CRB1: variants seen among roughly 807,000 people sequenced by gnomAD.
CRB1 encodes the protein crumbs cell polarity complex component 1.
In CRB1, 83 loss-of-function variants were observed where a neutral mutation model predicts 120.0. That is an observed-to-expected ratio of 0.69 (90% CI 0.58 to 0.83). CRB1 has a LOEUF of 0.83. Among genes scored for constraint, CRB1 ranks in the 40% least tolerant of loss-of-function variants. CRB1 has a pLI of 0.00. For synonymous variants in CRB1, 625 were observed against 612.5 expected (o/e 1.02, Z -0.30); for missense variants, 1,699 against 1,687.6 (o/e 1.01, Z -0.12).
In CRB1 at chr1:197,344,294, A is replaced by T. The variant is rs1659641198; in HGVS notation, c.666A>T (p.Glu222Asp). 6.2e-7 allele frequency: 1 copy of T among 1,614,142 alleles called. No homozygotes were observed. The highest frequency in any genetic ancestry group is 8.5e-7 in the Non-Finnish European group (1 of 1,180,008). The change falls in exon 3 of 12, where the codon GAA becomes GAT. Residue 222 changes from glutamate to aspartate, a missense_variant. Glu to Asp is a conservative substitution (Grantham distance 45, BLOSUM62 2). Transcript: ENST00000367400. ...CPHNYSGVNC[E>D]LEIDECWSQP... is the part of the protein sequence containing the mutation. ...CTTTTTTAAAAGGTGTAAACTGTGAATTGGAAATTGACGAATGTTGGTCCC... is the reference window on the plus strand; with the variant it reads ...CTTTTTTAAAAGGTGTAAACTGTGATTTGGAAATTGACGAATGTTGGTCCC...
chr1:197,426,885 A>G (rs575403677), intron 6 of CRB1, among the ~76,000 whole-genome samples: 6 of 152,338 alleles, frequency 3.9e-5, no homozygotes, highest in African/African-American at 1.4e-4. Flanking sequence ...AAGGTTATGT[A>G]ACTAGCCTAA....
chr1:197,230,749 T>C, the CRB1 span, among the ~76,000 whole-genome samples: 1 of 152,178 alleles, frequency 6.6e-6, no homozygotes, highest in Non-Finnish European at 1.5e-5. Flanking sequence ...CCCAGACTGA[T>C]AAAATAGTCT....
intron 1 of CRB1, among the ~76,000 whole-genome samples, chr1:197,308,043 A>G (rs1657276454): frequency 6.6e-6 from 1 of 152,148 alleles, no homozygotes; most frequent in Non-Finnish European, 1.5e-5. Context: ...CAATCCAAGT[A>G]CCATTAATGG....
Position 197,293,468 on chromosome 1 carries a change from G to A in CRB1, c.70+24986G>A, listed in dbSNP as rs187723112. ...CTCATGGATAGGAAGAATCAATATC[G>A]TGAAAATGGCCATACTGCCTAAGGT... On this transcript the variant is annotated intron_variant, in intron 1 of 11. Coordinates refer to ENST00000367400, the MANE Select transcript of CRB1 (RefSeq NM_201253.3). 5.7e-3 allele frequency among the ~76,000 whole-genome samples: 873 copies of A among 152,130 alleles called. 7 individuals carry two copies. Among genetic ancestry groups the A allele is most frequent in the South Asian group, 0.022 (107 of 4,814 alleles).
the CRB1 span, among the ~76,000 whole-genome samples, chr1:197,245,092 G>C: frequency 6.6e-6 from 1 of 151,078 alleles, no homozygotes; most frequent in African/African-American, 2.4e-5. Context: ...TTAAGTTTTA[G>C]GGTACATGTG....
chr1:197,382,818 C>T (rs990693027), intron 5 of CRB1, among the ~76,000 whole-genome samples: 2 of 152,134 alleles, frequency 1.3e-5, no homozygotes, highest in Non-Finnish European at 2.9e-5. Flanking sequence ...ATAATCCCTG[C>T]CTTTGCACAG....
chr1:197,379,400 C>T (rs954888700), intron 5 of CRB1, among the ~76,000 whole-genome samples: 9 of 151,608 alleles, frequency 5.9e-5, no homozygotes, highest in African/African-American at 1.5e-4. Context: ...CCTGAGTTCA[C>T]GCCATTCTCC....
chr1:197,319,948 G>T (rs1658094973), intron 1 of CRB1, among the ~76,000 whole-genome samples: 1 of 152,116 alleles, frequency 6.6e-6, no homozygotes, highest in Non-Finnish European at 1.5e-5. Context: ...CACAAAATTA[G>T]CATCCTCTTG....
intron 1 of CRB1, among the ~76,000 whole-genome samples, chr1:197,277,480 T>G (rs1300047625): frequency 6.6e-6 from 1 of 152,014 alleles, no homozygotes; most frequent in East Asian, 1.9e-4. Flanking sequence ...CAATTATGTC[T>G]AGTCAGATGG....
In CRB1 at chr1:197,438,559, A is replaced by G. The variant is rs2125506161; in HGVS notation, c.3762A>G (p.Leu1254=). ...TTTATCTCTCTAGACAGAGCAGATT[A>G]CCCTCAACAGTCTGTGGGAATGAGA... The part of the protein sequence containing the change: ...FTGKFCRQSR[L]PSTVCGNEKT... The change falls in exon 10 of 12, where the codon TTA becomes TTG. Residue 1254 remains leucine (L), a synonymous_variant. Transcript: ENST00000367400. 6.2e-7 allele frequency: 1 copy of G among 1,612,494 alleles called. No homozygotes were observed.
intron 4 of CRB1, among the ~76,000 whole-genome samples, chr1:197,350,928 G>T (rs1660056721): frequency 6.6e-6 from 1 of 152,088 alleles, no homozygotes; most frequent in Admixed American, 6.6e-5. Flanking sequence ...TAAGCACTAA[G>T]TAAAAGTTAA....
chr1:197,339,244 C>A (rs1028537863), intron 2 of CRB1, among the ~76,000 whole-genome samples: 1 of 152,156 alleles, frequency 6.6e-6, no homozygotes, highest in Non-Finnish European at 1.5e-5. Context: ...AGGAAGTCAT[C>A]CAGCCTCTCC....
rs150013313 is a variant in CRB1, at chr1:197,307,749, C to T, written c.71-20673C>T. Reference sequence around the variant, plus strand: ...TAATGTATTAGTACTGGAGGTATTACGATGCAGTAGGTCAGAGCCCCAAGG... The same window carrying T: ...TAATGTATTAGTACTGGAGGTATTATGATGCAGTAGGTCAGAGCCCCAAGG... On this transcript the variant is annotated intron_variant, in intron 1 of 11. Transcript: ENST00000367400. Among the ~76,000 whole-genome samples, 115 of 152,240 alleles carry T rather than the reference C, an allele frequency of 7.6e-4. 1 individual carries two copies. In the East Asian group the frequency reaches 0.022, roughly 29 times the overall value.
At chr1:197,368,974 A>G (rs1661224482) in intron 5 of CRB1, among the ~76,000 whole-genome samples, 1 of 152,124 alleles carries the variant, frequency 6.6e-6, no homozygotes, top group Admixed American at 6.6e-5. Flanking sequence ...CTTTCAGGAG[A>G]GTAATGTTTC....
intron 2 of CRB1, among the ~76,000 whole-genome samples, chr1:197,344,022 T>G (rs911770301): frequency 6.6e-6 from 1 of 152,246 alleles, no homozygotes. Context: ...AACTTTGTTC[T>G]AAAAATGACT....
the CRB1 span, among the ~76,000 whole-genome samples, chr1:197,202,626 A>T: frequency 6.6e-6 from 1 of 152,218 alleles, no homozygotes; most frequent in Non-Finnish European, 1.5e-5. Context: ...AGAAGGGCTG[A>T]TCCAAGATAG....
At chr1:197,252,582 A>ATATATATATGTGTGTG in the CRB1 span, among the ~76,000 whole-genome samples, 28 of 15,486 alleles carry the variant, frequency 1.8e-3, no homozygotes, top group Non-Finnish European at 3.2e-3. Context: ...ATATATATAT[A>ATATATATATGTGTGTG]TGTGTGTGTG....
chr1:197,435,069 G>A lies in CRB1; in HGVS notation c.3206G>A (p.Gly1069Glu). The change falls in exon 9 of 12, where the codon GGA becomes GAA. Residue 1069 changes from glycine (G) to glutamate (E), a missense_variant. By Grantham distance (98) the Gly-to-Glu change is moderately conservative (BLOSUM62 -2). Coordinates refer to ENST00000367400, the MANE Select transcript of CRB1 (RefSeq NM_201253.3). The part of the protein sequence containing the change: ...TPFVTSTIAT[G>E]SLNFLKDNTD... ...TTTGTGACCAGCACAATTGCTACTG[G>A]AAGCCTCAACTTTTTGAAGGATAAT... The A allele has an allele frequency of 1.2e-6, 2 of 1,613,982 alleles. No individual in the cohort carries two copies. Among genetic ancestry groups the A allele is most frequent in the Non-Finnish European group, 1.7e-6 (2 of 1,179,914 alleles).
intron 5 of CRB1, among the ~76,000 whole-genome samples, chr1:197,358,833 CAGAAA>C (rs538382601): frequency 1.9e-3 from 287 of 152,182 alleles, no homozygotes; most frequent in Non-Finnish European, 1.9e-3. Flanking sequence ...CATTTAATTG[CAGAAA>C]AGACGAGAAA....
Sources: gnomAD v4.1 joint callset for allele counts (sites outside exome capture counted in the v4.1 genomes callset) on GRCh38, gnomAD v4.1.1 for gene constraint, MANE v1.5 for transcripts, NCBI Gene and HGNC (gene_info 2026-07-23, HGNC 2026-07-21) for gene names.